Variants in LRFN5 observed in about 807,000 individuals in gnomAD.
LRFN5 encodes the protein leucine rich repeat and fibronectin type III domain containing 5.
In LRFN5, 24 loss-of-function variants were observed where a neutral mutation model predicts 45.6. The ratio of observed to expected loss-of-function variants is 0.53; its 90% CI spans 0.38 to 0.74. The LOEUF (loss-of-function observed/expected upper bound fraction) is 0.74. Ranked by LOEUF, LRFN5 falls within the 30% of genes least tolerant of loss-of-function variation. LRFN5 has a pLI of 0.00. For synonymous variants in LRFN5, 340 were observed against 313.8 expected (o/e 1.08, Z -0.88); for missense variants, 776 against 861.5 (o/e 0.90, Z 1.24).
intron 1 of LRFN5, among the ~76,000 whole-genome samples, chr14:41,687,508 A>C (rs1272800975): frequency 6.6e-6 from 1 of 152,200 alleles, no homozygotes; most frequent in Non-Finnish European, 1.5e-5. Context: ...AGGGAATGTA[A>C]ATCATTCTAC....
At chr14:41,899,074 T>C (rs990170873) in intron 5 of LRFN5, 114 bp downstream of exon 5, 15 of 824,940 alleles carry the variant, frequency 1.8e-5, no homozygotes, top group Non-Finnish European at 2.6e-5. Flanking sequence ...AAATTTTCTT[T>C]TAAAATTTAC....
At chr14:41,889,017 G>A (rs1441045486) in intron 3 of LRFN5, among the ~76,000 whole-genome samples, 2 of 147,352 alleles carry the variant, frequency 1.4e-5, no homozygotes, top group East Asian at 4.0e-4. Context: ...ATATATGTGT[G>A]TGTATATATA....
intron 1 of LRFN5, among the ~76,000 whole-genome samples, chr14:41,717,792 T>C (rs1163155382): frequency 2.6e-5 from 4 of 152,178 alleles, no homozygotes; most frequent in African/African-American, 9.7e-5. Flanking sequence ...TCAGCAGTCC[T>C]ACAAATTTCC....
At chr14:41,762,795 A>G (rs2138872806) in intron 1 of LRFN5, among the ~76,000 whole-genome samples, 1 of 152,220 alleles carries the variant, frequency 6.6e-6, no homozygotes, top group Non-Finnish European at 1.5e-5. Context: ...GTAAAACCAT[A>G]TGATTCAATT....
chr14:41,819,795 T>G (rs1328966567), intron 2 of LRFN5, among the ~76,000 whole-genome samples: 3 of 152,058 alleles, frequency 2.0e-5, no homozygotes, highest in African/African-American at 7.2e-5. Flanking sequence ...CCAATCACCT[T>G]CCACCAGGCC....
At position 41,853,676 on chromosome 14, in the gene LRFN5, C is replaced by T. The variant is rs1402925436; in HGVS notation, c.-20-32930C>T. Among the ~76,000 whole-genome samples the T allele has an allele frequency of 2.0e-5, 3 of 151,884 alleles. No individual in the cohort carries two copies. In the East Asian group the frequency reaches 5.8e-4, roughly 29 times the overall value. On this transcript the variant is annotated intron_variant, in intron 2 of 5. Coordinates refer to ENST00000298119, the MANE Select transcript of LRFN5 (RefSeq NM_152447.5). ...AGGTTCTGGAACTCAGAGGGGAAAT[C>T]AGGACACAGGATATATTTGGAAAAA...
At chr14:41,748,855 A>G (rs1010138191) in intron 1 of LRFN5, among the ~76,000 whole-genome samples, 2 of 151,574 alleles carry the variant, frequency 1.3e-5, no homozygotes, top group Admixed American at 1.3e-4. Flanking sequence ...TGGATGACCT[A>G]CTCTATTTTC....
At chr14:41,816,993 G>A (rs1345009265) in intron 2 of LRFN5, among the ~76,000 whole-genome samples, 2 of 142,776 alleles carry the variant, frequency 1.4e-5, no homozygotes, top group African/African-American at 2.5e-5. Context: ...TTTTTAATGT[G>A]GGAAGTTTTT....
intron 1 of LRFN5, among the ~76,000 whole-genome samples, chr14:41,719,538 C>G (rs1053397399): frequency 6.6e-6 from 1 of 152,008 alleles, no homozygotes; most frequent in Non-Finnish European, 1.5e-5. Flanking sequence ...TTTTACTATG[C>G]CAACACTTAA....
Position 41,904,379 on chromosome 14 carries a change from T to C in LRFN5, c.*204T>C. Reference sequence around the variant, plus strand: ...TGGTTCATCCTCTTTTAAAACCAAATTTTTTTTTCTTCTGGCCTACAAGTA... The same window carrying C: ...TGGTTCATCCTCTTTTAAAACCAAACTTTTTTTTCTTCTGGCCTACAAGTA... On this transcript the variant is annotated 3_prime_UTR_variant, in exon 6 of 6. Transcript: ENST00000298119. The C allele has an allele frequency of 4.1e-6, 2 of 486,332 alleles. No homozygotes were observed. The highest frequency in any genetic ancestry group is 7.0e-6 in the Non-Finnish European group (2 of 283,702). 30.1% of individuals were successfully genotyped at this position (486,332 alleles called of 1,614,324 possible).
At chr14:41,653,105 C>G (rs970789049) in intron 1 of LRFN5, among the ~76,000 whole-genome samples, 3 of 152,128 alleles carry the variant, frequency 2.0e-5, no homozygotes, top group East Asian at 1.9e-4. Context: ...TTCTCCCATT[C>G]TACAGGTTGT....
At chr14:41,649,630 G>A (rs1879995951) in intron 1 of LRFN5, among the ~76,000 whole-genome samples, 1 of 152,058 alleles carries the variant, frequency 6.6e-6, no homozygotes, top group Non-Finnish European at 1.5e-5. Context: ...CTCAATATCT[G>A]ATCATCTTTG....
intron 1 of LRFN5, among the ~76,000 whole-genome samples, chr14:41,720,302 G>A (rs1883663527): frequency 6.6e-6 from 1 of 152,094 alleles, no homozygotes; most frequent in African/African-American, 2.4e-5. Flanking sequence ...ATTCCATGAT[G>A]TATATGTACC....
chr14:41,904,145 T>G lies in LRFN5; in HGVS notation c.2143-13T>G, dbSNP rs755042568. 1 of 1,595,840 alleles carries G rather than the reference T, an allele frequency of 6.3e-7. No homozygotes were observed. The highest frequency in any genetic ancestry group is 1.3e-5 in the African/African-American group (1 of 74,344). Reference sequence around the variant, plus strand: ...TCTTTCTTTTTTTCCTTTTTCTTTTTCTTTCATTTCAGAGGCTGGAGTTAA... The same window carrying G: ...TCTTTCTTTTTTTCCTTTTTCTTTTGCTTTCATTTCAGAGGCTGGAGTTAA... On this transcript the variant is annotated splice_polypyrimidine_tract_variant and intron_variant, in intron 5 of 5. Coordinates refer to ENST00000298119, the MANE Select transcript of LRFN5 (RefSeq NM_152447.5).
chr14:41,875,146 T>G (rs1890145827), intron 2 of LRFN5, among the ~76,000 whole-genome samples: 1 of 152,254 alleles, frequency 6.6e-6, no homozygotes, highest in African/African-American at 2.4e-5. Flanking sequence ...TACTACTGTT[T>G]TAATTAATTG....
intron 2 of LRFN5, among the ~76,000 whole-genome samples, chr14:41,872,894 A>G (rs971045408): frequency 6.6e-6 from 1 of 152,240 alleles, no homozygotes; most frequent in South Asian, 2.1e-4. Flanking sequence ...GTGCACACAG[A>G]TATGCGTATA....
At chr14:41,651,252 A>C (rs770941663) in intron 1 of LRFN5, among the ~76,000 whole-genome samples, 16 of 152,132 alleles carry the variant, frequency 1.1e-4, no homozygotes, top group Non-Finnish European at 2.1e-4. Context: ...ACTTTAAATG[A>C]ATATTAAAAT....
chr14:41,659,942 A>G (rs1252281150), intron 1 of LRFN5, among the ~76,000 whole-genome samples: 1 of 140,130 alleles, frequency 7.1e-6, no homozygotes, highest in African/African-American at 2.7e-5. Context: ...GGTTCTGGAT[A>G]TTAGTCCTTT....
At chr14:41,848,272 C>T (rs567028892) in intron 2 of LRFN5, among the ~76,000 whole-genome samples, 159 of 151,980 alleles carry the variant, frequency 1.0e-3, no homozygotes, top group African/African-American at 3.5e-3. Context: ...GTCTTGGTAT[C>T]GTAGAATAAG....
Sources: gnomAD v4.1 joint callset for allele counts (sites outside exome capture counted in the v4.1 genomes callset) on GRCh38, gnomAD v4.1.1 for gene constraint, MANE v1.5 for transcripts, NCBI Gene and HGNC (gene_info 2026-07-23, HGNC 2026-07-21) for gene names.